The following BRINP2 variants were observed in gnomAD, a reference collection of about 807,000 sequenced individuals.
BRINP2 encodes BMP/retinoic acid inducible neural specific 2, also known as BMP/retinoic acid-inducible neural-specific protein 2.
Under a neutral mutation model 69.2 loss-of-function variants are expected in BRINP2, and 21 were observed. That is an observed-to-expected ratio of 0.30 (90% CI 0.22 to 0.44). The LOEUF (loss-of-function observed/expected upper bound fraction) is 0.44. BRINP2 is among the 20% of genes least tolerant of loss of function. The probability of loss-of-function intolerance (pLI) is 1.00; values close to 1 mark genes in which losing one functional copy is unlikely to be tolerated. For missense variants in BRINP2, 877 were observed against 986.0 expected (o/e 0.89, Z 1.48); for synonymous variants, 380 against 394.1 (o/e 0.96, Z 0.42).
At chr1:177,259,660 C>T (rs189035413) in intron 4 of BRINP2, among the ~76,000 whole-genome samples, 14 of 152,270 alleles carry the variant, frequency 9.2e-5, no homozygotes, top group Admixed American at 5.9e-4. Flanking sequence ...ACTCATTTAG[C>T]ATTCTGAAAA....
intron 1 of BRINP2, among the ~76,000 whole-genome samples, chr1:177,207,358 T>G (rs1033439094): frequency 6.6e-6 from 1 of 152,124 alleles, no homozygotes; most frequent in Non-Finnish European, 1.5e-5. Flanking sequence ...GGAGGAATCA[T>G]GCAGGGTGGG....
At chr1:177,236,730 G>A (rs1252773289) in intron 2 of BRINP2, among the ~76,000 whole-genome samples, 1 of 152,128 alleles carries the variant, frequency 6.6e-6, no homozygotes, top group Non-Finnish European at 1.5e-5. Flanking sequence ...GTAGATACAG[G>A]AGCAGTGTAA....
chr1:177,207,423 G>T (rs551111650), intron 1 of BRINP2, among the ~76,000 whole-genome samples: 1 of 152,244 alleles, frequency 6.6e-6, no homozygotes, highest in South Asian at 2.1e-4. Flanking sequence ...GTTGTCATAG[G>T]ATGCAGCCAT....
chr1:177,256,314 G>A, intron 3 of BRINP2: 1 of 985,208 alleles, frequency 1.0e-6, no homozygotes, highest in Non-Finnish European at 1.2e-6. Flanking sequence ...CCCTGAGGAG[G>A]GGAAGTTGGG....
intron 7 of BRINP2, among the ~76,000 whole-genome samples, chr1:177,279,937 T>G (rs1257213267): frequency 6.6e-6 from 1 of 152,050 alleles, no homozygotes; most frequent in African/African-American, 2.4e-5. Context: ...AAATCAAAAT[T>G]TTAAGAGAAT....
intron 1 of BRINP2, among the ~76,000 whole-genome samples, chr1:177,196,625 A>G (rs1449313169): frequency 6.6e-6 from 1 of 152,008 alleles, no homozygotes; most frequent in Non-Finnish European, 1.5e-5. Flanking sequence ...TCTCAAAAAA[A>G]AAAAAGAAAG....
intron 2 of BRINP2, among the ~76,000 whole-genome samples, chr1:177,233,339 T>C (rs1444289693): frequency 6.6e-6 from 1 of 152,232 alleles, no homozygotes. Context: ...GTTTTCTTGT[T>C]CCTCAATTTT....
chr1:177,278,441 T>G (rs1018351897), intron 6 of BRINP2, 122 bp from the exon 7 acceptor site: 1 of 833,034 alleles, frequency 1.2e-6, no homozygotes, highest in Non-Finnish European at 2.0e-6. Context: ...GGGAAATGGG[T>G]GTGCAGCCTC....
intron 2 of BRINP2, among the ~76,000 whole-genome samples, chr1:177,246,486 G>T (rs1302589283): frequency 2.0e-5 from 3 of 152,216 alleles, no homozygotes; most frequent in African/African-American, 7.2e-5. Flanking sequence ...AAATAAGCGT[G>T]TGTAAAAATT....
chr1:177,256,148 A>G (rs1027047018), intron 3 of BRINP2, 39 bp downstream of exon 3: 2 of 1,599,470 alleles, frequency 1.3e-6, no homozygotes, highest in South Asian at 1.1e-5. Context: ...TGGTTGCCAG[A>G]CCATTGGAAA....
intron 2 of BRINP2, among the ~76,000 whole-genome samples, chr1:177,242,334 A>T (rs2102334362): frequency 6.6e-6 from 1 of 152,310 alleles, no homozygotes; most frequent in Non-Finnish European, 1.5e-5. Context: ...AAATCCATTC[A>T]TTCACTATTT....
intron 2 of BRINP2, among the ~76,000 whole-genome samples, chr1:177,233,318 C>A (rs1649919031): frequency 6.6e-6 from 1 of 152,138 alleles, no homozygotes; most frequent in South Asian, 2.1e-4. Context: ...TAATATCGGG[C>A]AAATTACATA....
At chr1:177,193,242 G>A (rs1226592800) in intron 1 of BRINP2, among the ~76,000 whole-genome samples, 1 of 152,176 alleles carries the variant, frequency 6.6e-6, no homozygotes, top group African/African-American at 2.4e-5. Flanking sequence ...CATGTGATGG[G>A]TGAAGGGAAG....
chr1:177,248,433 G>A (rs1287777172), intron 2 of BRINP2, among the ~76,000 whole-genome samples: 1 of 151,040 alleles, frequency 6.6e-6, no homozygotes, highest in African/African-American at 2.4e-5. Context: ...CTGAGGTACA[G>A]TTTGTGTGTG....
chr1:177,227,721 T>C (rs1649739751), intron 1 of BRINP2, among the ~76,000 whole-genome samples: 2 of 152,214 alleles, frequency 1.3e-5, no homozygotes, highest in Admixed American at 1.3e-4. Flanking sequence ...GGAACTAATT[T>C]TCCAATATTA....
At chr1:177,222,541 G>A (rs982693624) in intron 1 of BRINP2, among the ~76,000 whole-genome samples, 16 of 151,956 alleles carry the variant, frequency 1.1e-4, no homozygotes, top group African/African-American at 3.9e-4. Flanking sequence ...CAAACTCCTG[G>A]CCTCAGGTGA....
In BRINP2 at chr1:177,273,024, T is replaced by G. The variant is rs1651378950; in HGVS notation, c.670-464T>G. ...GTGGGACTTAAATGTTTAATACTAA[T>G]ACTAATACTCATAACTCATATTTCT... On this transcript the variant is annotated intron_variant, in intron 4 of 7. Coordinates refer to ENST00000361539, the MANE Select transcript of BRINP2 (RefSeq NM_021165.4). Among the ~76,000 whole-genome samples the G allele has an allele frequency of 2.0e-5, 3 of 152,356 alleles. No individual in the cohort carries two copies. In the South Asian group the frequency reaches 6.2e-4, roughly 32 times the overall value.
intron 1 of BRINP2, among the ~76,000 whole-genome samples, chr1:177,207,430 C>G (rs1649098387): frequency 6.6e-6 from 1 of 152,044 alleles, no homozygotes; most frequent in African/African-American, 2.4e-5. Flanking sequence ...TAGGATGCAG[C>G]CATGTAAGGG....
intron 1 of BRINP2, among the ~76,000 whole-genome samples, chr1:177,195,542 T>G (rs1367538802): frequency 6.6e-6 from 1 of 150,802 alleles, no homozygotes; most frequent in East Asian, 2.0e-4. Flanking sequence ...TCCTATGCCG[T>G]TTCTTACTTC....
Sources: gnomAD v4.1 joint callset for allele counts (sites outside exome capture counted in the v4.1 genomes callset) on GRCh38, gnomAD v4.1.1 for gene constraint, MANE v1.5 for transcripts, NCBI Gene and HGNC (gene_info 2026-07-23, HGNC 2026-07-21) for gene names.